Variants in CFAP54 observed in about 807,000 individuals in gnomAD.
The protein encoded by CFAP54 is cilia and flagella associated protein 54, also known as cilia- and flagella-associated protein 54.
Under a neutral mutation model 370.4 loss-of-function variants are expected in CFAP54, and 290 were observed. The ratio of observed to expected loss-of-function variants is 0.78; its 90% CI spans 0.71 to 0.86. CFAP54 has a LOEUF of 0.86. CFAP54 is among the 40% of genes least tolerant of loss of function. The pLI is 0.00. For missense variants in CFAP54, 3,399 were observed against 3,528.7 expected (o/e 0.96, Z 0.93); for synonymous variants, 1,206 against 1,236.5 (o/e 0.98, Z 0.52).
intron 65 of CFAP54, among the ~76,000 whole-genome samples, chr12:96,820,770 C>A (rs1049134812): frequency 6.6e-6 from 1 of 151,850 alleles, no homozygotes; most frequent in Non-Finnish European, 1.5e-5. Flanking sequence ...GCATGATTGC[C>A]CTTTCATGTC....
At chr12:96,508,625 T>A (rs1282848935) in intron 4 of CFAP54, among the ~76,000 whole-genome samples, 1 of 151,214 alleles carries the variant, frequency 6.6e-6, no homozygotes, top group Non-Finnish European at 1.5e-5. Context: ...TATTTCTGTA[T>A]CCTTGATATC....
chr12:96,816,645 T>C (rs1166988177), intron 64 of CFAP54, among the ~76,000 whole-genome samples: 4 of 152,208 alleles, frequency 2.6e-5, no homozygotes, highest in Non-Finnish European at 5.9e-5. Flanking sequence ...TCAGTTTGTT[T>C]TTGGGATCAT....
rs1239229670 is a variant in CFAP54 at position 96,489,941 on chromosome 12, G to T, written c.317+15G>T. On this transcript the variant is annotated intron_variant, in intron 1 of 67. Transcript: ENST00000524981. ...CGCCGGCGTTGGTAAGCGCTGGCGG[G>T]GCACTGGGGAGGGCGCCGGCCAGAG... 1 of 1,523,966 alleles carries T rather than the reference G, an allele frequency of 6.6e-7. No homozygotes were observed. Among genetic ancestry groups the T allele is most frequent in the African/African-American group, 1.4e-5 (1 of 72,318 alleles). 94.4% of individuals were successfully genotyped at this position (1,523,966 alleles called of 1,614,324 possible). A position where few individuals can be genotyped will look rare whatever the true frequency, so the allele number is the denominator to read the frequency against.
At chr12:96,784,599 A>G (rs1289280376) in intron 60 of CFAP54, 118 bp from the exon 61 acceptor site, 1 of 716,150 alleles carries the variant, frequency 1.4e-6, no homozygotes, top group Non-Finnish European at 2.1e-6. Context: ...TTTAAATTGA[A>G]CATAGTATCA....
intron 64 of CFAP54, among the ~76,000 whole-genome samples, chr12:96,812,853 C>G (rs1370414232): frequency 6.6e-6 from 1 of 152,142 alleles, no homozygotes; most frequent in African/African-American, 2.4e-5. Flanking sequence ...TTTATTTGTT[C>G]CTTCTTTTCT....
intron 33 of CFAP54, chr12:96,646,876 C>G (rs1956800023): frequency 1.3e-5 from 2 of 152,206 alleles, no homozygotes; most frequent in Non-Finnish European, 2.9e-5. Flanking sequence ...ACCGCATGTT[C>G]TCACTCATAG....
chr12:96,856,103 C>T (rs544793732), intron 66 of CFAP54, among the ~76,000 whole-genome samples: 2 of 152,256 alleles, frequency 1.3e-5, no homozygotes, highest in South Asian at 2.1e-4. Flanking sequence ...TGAGCTGTAC[C>T]GTGGCCCCTT....
At chr12:96,648,693 A>T (rs945067301) in intron 34 of CFAP54, among the ~76,000 whole-genome samples, 3 of 138,802 alleles carry the variant, frequency 2.2e-5, no homozygotes, top group Non-Finnish European at 4.5e-5. Flanking sequence ...AATTCAAGCG[A>T]TTCTCCTGCC....
chr12:96,727,499 C>G (rs1392389025), intron 50 of CFAP54, among the ~76,000 whole-genome samples: 254 of 140,954 alleles, frequency 1.8e-3, no homozygotes, highest in Middle Eastern at 6.9e-3. Flanking sequence ...GGATTGCAAC[C>G]CCTGCCTTTT....
intron 33 of CFAP54, chr12:96,645,833 A>C (rs1001723830): frequency 1.3e-5 from 2 of 152,250 alleles, no homozygotes; most frequent in African/African-American, 4.8e-5. Flanking sequence ...AAACCTGACA[A>C]AAACAAAAAA....
chr12:96,779,552 G>T (rs1958560720), intron 60 of CFAP54, among the ~76,000 whole-genome samples: 2 of 150,372 alleles, frequency 1.3e-5, no homozygotes, highest in Admixed American at 1.3e-4. Context: ...CATGGTTTTA[G>T]CCTTAGTGGG....
chr12:96,832,303 T>C (rs186499736), intron 66 of CFAP54, among the ~76,000 whole-genome samples: 1 of 151,106 alleles, frequency 6.6e-6, no homozygotes, highest in African/African-American at 2.4e-5. Flanking sequence ...ATATAGGTTA[T>C]AAAAAAGAAT....
At chr12:96,870,359 T>C (rs1960125487) in intron 67 of CFAP54, among the ~76,000 whole-genome samples, 1 of 152,218 alleles carries the variant, frequency 6.6e-6, no homozygotes, top group Non-Finnish European at 1.5e-5. Context: ...CTCTAAGTTG[T>C]TTCCATCAAG....
chr12:96,723,519 G>C (rs945481979), intron 50 of CFAP54, among the ~76,000 whole-genome samples: 5 of 152,140 alleles, frequency 3.3e-5, no homozygotes, highest in Admixed American at 6.5e-5. Context: ...TAAGGATAGA[G>C]AGTTGACCCC....
intron 42 of CFAP54, 78 bp downstream of exon 42, chr12:96,685,316 C>G: frequency 7.9e-7 from 1 of 1,262,470 alleles, no homozygotes; most frequent in Middle Eastern, 2.6e-4. Flanking sequence ...ATACAAAGTG[C>G]TATGCCTCAT....
At chr12:96,751,660 T>C (rs1329320422) in intron 55 of CFAP54, among the ~76,000 whole-genome samples, 1 of 152,208 alleles carries the variant, frequency 6.6e-6, no homozygotes, top group East Asian at 1.9e-4. Context: ...GCATATCTTT[T>C]ATTTCCCTTC....
intron 15 of CFAP54, among the ~76,000 whole-genome samples, chr12:96,552,660 A>T (rs1955708061): frequency 6.6e-6 from 1 of 152,168 alleles, no homozygotes; most frequent in African/African-American, 2.4e-5. Flanking sequence ...ATAGTAATCT[A>T]AATGTCCATT....
In CFAP54 at chr12:96,668,371, A is replaced by G. The variant is rs118147564; in HGVS notation, c.5563+4439A>G. 8.4e-3 allele frequency among the ~76,000 whole-genome samples: 1,277 copies of G among 152,348 alleles called. 56 individuals carry two copies. The East Asian group carries it at 0.096, about 11-fold the overall frequency. On this transcript the variant is annotated intron_variant, in intron 39 of 67. Transcript: ENST00000524981. ...CCCAAGACTGGATAATTTATAAAGA[A>G]AAAGAAGTTTAGCAGACTCAGTTCC...
At chr12:96,867,707 A>T (rs891398122) in intron 67 of CFAP54, among the ~76,000 whole-genome samples, 6 of 152,212 alleles carry the variant, frequency 3.9e-5, no homozygotes, top group African/African-American at 1.4e-4. Flanking sequence ...AATCTAAAAA[A>T]GTTAAACTCG....
Sources: gnomAD v4.1 joint callset for allele counts (sites outside exome capture counted in the v4.1 genomes callset) on GRCh38, gnomAD v4.1.1 for gene constraint, MANE v1.5 for transcripts, NCBI Gene and HGNC (gene_info 2026-07-23, HGNC 2026-07-21) for gene names.